Variants in TCAIM observed in about 807,000 individuals in gnomAD.
TCAIM encodes the protein T cell activation inhibitor, mitochondrial.
A neutral mutation model predicts 58.6 loss-of-function variants in TCAIM; 36 were observed. The ratio of observed to expected loss-of-function variants is 0.61; its 90% CI spans 0.47 to 0.81. The LOEUF is 0.81. Among genes scored for constraint, TCAIM ranks in the 30% least tolerant of loss-of-function variants. TCAIM has a pLI of 0.00. For synonymous variants in TCAIM, 172 were observed against 193.6 expected, an observed-to-expected ratio of 0.89 and a Z score of 0.93; for missense variants, 466 against 579.6, an observed-to-expected ratio of 0.80 and a Z score of 2.01.
At position 44,400,497 on chromosome 3, in the gene TCAIM, C is replaced by G. The variant is rs201334117; in HGVS notation, c.1028C>G (p.Ser343Cys). Residue 343 changes from serine to cysteine, a missense_variant, in exon 9 of 11, where the codon TCT becomes TGT. By Grantham distance (112) the Ser-to-Cys change is moderately radical (BLOSUM62 -1). Coordinates refer to ENST00000342649, the MANE Select transcript of TCAIM (RefSeq NM_173826.4). ...QPVLTLEEYY[S>C]LLDVFYNRLL... is the part of the protein sequence containing the mutation. ...GTATTGACACTTGAAGAATATTACTCTCTTCTTGATGTGTTTTATAATAGA... is the reference window on the plus strand; with the variant it reads ...GTATTGACACTTGAAGAATATTACTGTCTTCTTGATGTGTTTTATAATAGA... The G allele has an allele frequency of 7.4e-6, 12 of 1,613,520 alleles. No individual in the cohort carries two copies. Among genetic ancestry groups the G allele is most frequent in the Middle Eastern group, 3.3e-4 (2 of 6,058 alleles).
Position 44,396,348 on chromosome 3 carries a change from T to C in TCAIM, c.696-52T>C. On this transcript the variant is annotated intron_variant, in intron 6 of 10. Coordinates refer to ENST00000342649, the MANE Select transcript of TCAIM (RefSeq NM_173826.4). ...TCCAGTAGTTGTGGTGGGTGCTCGC[T>C]CCGTCTTCAGGGTGCCACTTGTTAA... 5 of 1,532,670 alleles carry C rather than the reference T, an allele frequency of 3.3e-6. No individual in the cohort carries two copies. The East Asian group carries it at 1.1e-4, about 35-fold the overall frequency. 94.9% of individuals were successfully genotyped at this position (1,532,670 alleles called of 1,614,324 possible). A position where few individuals can be genotyped will look rare whatever the true frequency, so the allele number is the denominator to read the frequency against.
chr3:44,379,725 C>T (rs1007933750), intron 5 of TCAIM, among the ~76,000 whole-genome samples: 2 of 151,872 alleles, frequency 1.3e-5, no homozygotes, highest in Admixed American at 6.6e-5. Flanking sequence ...ATAACTAGAG[C>T]GGGGAGGGAG....
intron 5 of TCAIM, among the ~76,000 whole-genome samples, chr3:44,370,278 G>A (rs749644051): frequency 1.4e-4 from 22 of 151,946 alleles, no homozygotes; most frequent in Admixed American, 3.9e-4. Context: ...TGGCTAACAC[G>A]GTGAAACCCC....
intron 10 of TCAIM, among the ~76,000 whole-genome samples, chr3:44,404,589 G>A (rs1027102555): frequency 1.5e-4 from 23 of 151,816 alleles, no homozygotes; most frequent in Admixed American, 2.6e-4. Flanking sequence ...GCCTCTCCTC[G>A]CCTTTGCTGT....
chr3:44,395,755 C>T (rs186619071), intron 6 of TCAIM, among the ~76,000 whole-genome samples: 8 of 152,344 alleles, frequency 5.3e-5, no homozygotes, highest in Admixed American at 3.3e-4. Flanking sequence ...GAGGCCAAGG[C>T]GGGTGGATCA....
chr3:44,371,337 C>T (rs1701466635), intron 5 of TCAIM, among the ~76,000 whole-genome samples: 1 of 152,168 alleles, frequency 6.6e-6, no homozygotes, highest in Non-Finnish European at 1.5e-5. Context: ...GGATTACAGA[C>T]ATGAGCCACC....
chr3:44,372,598 T>G (rs1343388114), intron 5 of TCAIM, among the ~76,000 whole-genome samples: 1 of 151,922 alleles, frequency 6.6e-6, no homozygotes, highest in African/African-American at 2.4e-5. Flanking sequence ...TTTTTTTTTT[T>G]TTTCTTTTTT....
chr3:44,384,609 A>G (rs1701705014), intron 5 of TCAIM, among the ~76,000 whole-genome samples: 1 of 152,230 alleles, frequency 6.6e-6, no homozygotes, highest in Non-Finnish European at 1.5e-5. Flanking sequence ...AAGATTTTCA[A>G]GTAAATCTAG....
chr3:44,394,921 A>AATGT (rs1701906809), intron 6 of TCAIM, among the ~76,000 whole-genome samples: 1 of 48,486 alleles, frequency 2.1e-5, no homozygotes, highest in African/African-American at 8.9e-5. Flanking sequence ...AAAAAAAAAA[A>AATGT]ATATATATAT....
At chr3:44,365,428 A>G (rs1345501548) in intron 4 of TCAIM, among the ~76,000 whole-genome samples, 1 of 151,968 alleles carries the variant, frequency 6.6e-6, no homozygotes, top group Admixed American at 6.6e-5. Flanking sequence ...TCCTGGGTTC[A>G]AGTGATTCTC....
intron 5 of TCAIM, 155 bp downstream of exon 5, chr3:44,367,863 C>A: frequency 1.5e-6 from 1 of 652,232 alleles, no homozygotes; most frequent in Non-Finnish European, 2.4e-6. Context: ...TACTATCAGT[C>A]TAGTTAATCC....
At position 44,408,285 on chromosome 3, in the gene TCAIM, A is replaced by G. The variant is rs1166130787; in HGVS notation, c.*603A>G. The stretch of plus-strand genomic sequence containing the variant: ...TGTCTACAATTCAACATGCATCTGT[A>G]TAGTTACATCTCATGTAAATATACA... On this transcript the variant is annotated 3_prime_UTR_variant, in exon 11 of 11. Transcript: ENST00000342649. The G allele has an allele frequency of 3.3e-5, 5 of 152,212 alleles. No homozygotes were observed. Among genetic ancestry groups the G allele is most frequent in the African/African-American group, 9.6e-5 (4 of 41,462 alleles). The allele number at this position is 152,212 out of a possible 1,614,324, so 9.4% of individuals were successfully genotyped here.
At chr3:44,383,398 A>G (rs886153479) in intron 5 of TCAIM, among the ~76,000 whole-genome samples, 2 of 152,308 alleles carry the variant, frequency 1.3e-5, no homozygotes, top group South Asian at 2.1e-4. Flanking sequence ...ACAGGCTACA[A>G]CACATGAACC....
rs1453010517 is a variant in TCAIM at position 44,400,497 on chromosome 3, CT to C, written c.1029del (p.Leu344PhefsTer10). 6.2e-7 allele frequency: 1 copy of C among 1,613,402 alleles called. No individual in the cohort carries two copies. Among genetic ancestry groups the C allele is most frequent in the Non-Finnish European group, 8.5e-7 (1 of 1,179,652 alleles). ...QPVLTLEEYY[S>X]LLDVFYNRLL... ...GTATTGACACTTGAAGAATATTACT[CT>C]CTTCTTGATGTGTTTTATAATAGAC... On this transcript the variant is annotated frameshift_variant, in exon 9 of 11. Transcript: ENST00000342649. LOFTEE classifies it high-confidence loss of function.
In TCAIM at chr3:44,346,381, G is replaced by A. The variant is rs944591151; in HGVS notation, c.-45+7547G>A. Among the ~76,000 whole-genome samples the A allele has an allele frequency of 1.2e-4, 18 of 152,250 alleles. No homozygotes were observed. In the East Asian group the frequency reaches 1.7e-3, roughly 15 times the overall value. On this transcript the variant is annotated intron_variant, in intron 1 of 10. Transcript: ENST00000342649. ...ACTTCTCAGACCCTGTGGGAAAGGC[G>A]TCTACCCATCCAGTGAAAGTGTCTA...
intron 10 of TCAIM, among the ~76,000 whole-genome samples, chr3:44,407,000 C>T (rs774200843): frequency 1.3e-5 from 2 of 152,120 alleles, no homozygotes; most frequent in Non-Finnish European, 2.9e-5. Context: ...AACCTGTCCT[C>T]CTCAGGATCC....
At chr3:44,400,884 G>C in intron 9 of TCAIM, 1 of 489,264 alleles carries the variant, frequency 2.0e-6, no homozygotes, top group Non-Finnish European at 3.6e-6. Flanking sequence ...GCCAACATTT[G>C]TGGTGTATAC....
At chr3:44,378,106 T>C (rs1701594941) in intron 5 of TCAIM, among the ~76,000 whole-genome samples, 1 of 152,200 alleles carries the variant, frequency 6.6e-6, no homozygotes, top group African/African-American at 2.4e-5. Flanking sequence ...AACTGCTGGG[T>C]GCGGTGGCTC....
chr3:44,381,972 A>G (rs1701662329), intron 5 of TCAIM, among the ~76,000 whole-genome samples: 1 of 152,252 alleles, frequency 6.6e-6, no homozygotes, highest in South Asian at 2.1e-4. Flanking sequence ...TCTGAAAGAA[A>G]TTAGAGAAGA....
Sources: allele counts gnomAD v4.1 joint callset (sites outside exome capture counted in the v4.1 genomes callset), GRCh38; gene constraint gnomAD v4.1.1; transcripts MANE v1.5; gene names NCBI Gene and HGNC (gene_info 2026-07-23, HGNC 2026-07-21).